Variants in SDHAF3 observed in about 807,000 individuals in gnomAD.
SDHAF3 encodes the protein succinate dehydrogenase complex assembly factor 3, also known as succinate dehydrogenase assembly factor 3, mitochondrial.
In SDHAF3, 18 loss-of-function variants were observed where a neutral mutation model predicts 11.5. That is an observed-to-expected ratio of 1.56 (90% CI 1.08 to 2.32). SDHAF3 has a LOEUF of 2.32. Among genes scored for constraint, SDHAF3 ranks in the 30% most tolerant of loss-of-function variants. The probability of loss-of-function intolerance (pLI) is 0.00; values close to 1 mark genes in which losing one functional copy is unlikely to be tolerated. For missense variants in SDHAF3, 200 were observed against 154.4 expected (o/e 1.30, Z -1.57); for synonymous variants, 72 against 59.3 (o/e 1.21, Z -0.99).
intron 1 of SDHAF3, chr7:97,136,389 G>T: frequency 4.7e-6 from 3 of 634,554 alleles, no homozygotes; most frequent in South Asian, 3.6e-5. Flanking sequence ...TTTAAATAGG[G>T]TATGTCCAGA....
At chr7:97,159,615 T>A (rs1789367405) in intron 1 of SDHAF3, among the ~76,000 whole-genome samples, 1 of 152,170 alleles carries the variant, frequency 6.6e-6, no homozygotes, top group African/African-American at 2.4e-5. Flanking sequence ...ATTTTTTTTT[T>A]CTTTTTATTA....
chr7:97,119,293 G>A (rs937592641), intron 1 of SDHAF3, among the ~76,000 whole-genome samples: 2 of 152,116 alleles, frequency 1.3e-5, no homozygotes, highest in Non-Finnish European at 2.9e-5. Context: ...ATTTTAAGAA[G>A]TCTTAAAATG....
chr7:97,161,467 G>A (rs1050004411), intron 1 of SDHAF3, among the ~76,000 whole-genome samples: 3 of 152,054 alleles, frequency 2.0e-5, no homozygotes, highest in Admixed American at 6.6e-5. Flanking sequence ...AAGTTCTGGG[G>A]TACATGTGCA....
intron 1 of SDHAF3, among the ~76,000 whole-genome samples, chr7:97,164,340 G>A (rs1021976749): frequency 1.0e-4 from 15 of 150,292 alleles, no homozygotes; most frequent in Admixed American, 8.0e-4. Flanking sequence ...TGGTGGCAAG[G>A]TAATTATTAT....
chr7:97,120,987 A>G (rs1004475858), intron 1 of SDHAF3, among the ~76,000 whole-genome samples: 2 of 152,214 alleles, frequency 1.3e-5, no homozygotes, highest in African/African-American at 4.8e-5. Flanking sequence ...TAGAAATGTA[A>G]AAGCATGTTT....
At chr7:97,152,894 G>C (rs1176342086) in intron 1 of SDHAF3, among the ~76,000 whole-genome samples, 1 of 152,158 alleles carries the variant, frequency 6.6e-6, no homozygotes, top group Non-Finnish European at 1.5e-5. Context: ...CTCAAGCAAT[G>C]GTCTCCCGCC....
chr7:97,123,972 C>T (rs1251716662), intron 1 of SDHAF3, among the ~76,000 whole-genome samples: 2 of 151,834 alleles, frequency 1.3e-5, no homozygotes, highest in Non-Finnish European at 2.9e-5. Context: ...ATGGTAGTTT[C>T]TTTTGCTGAG....
At chr7:97,143,665 C>CTGTG (rs3029495) in intron 1 of SDHAF3, among the ~76,000 whole-genome samples, 7,296 of 147,998 alleles carry the variant, frequency 0.049, 259 homozygotes, top group African/African-American at 0.1. Flanking sequence ...TAGTGTTCCA[C>CTGTG]TGTGTGTGTG....
intron 1 of SDHAF3, among the ~76,000 whole-genome samples, chr7:97,169,270 G>A (rs952373129): frequency 7.9e-5 from 12 of 152,104 alleles, no homozygotes; most frequent in East Asian, 7.7e-4. Context: ...AGATCGCGGC[G>A]CTGCACTCCA....
At chr7:97,120,918 G>A (rs1293315014) in intron 1 of SDHAF3, among the ~76,000 whole-genome samples, 1 of 152,128 alleles carries the variant, frequency 6.6e-6, no homozygotes, top group African/African-American at 2.4e-5. Context: ...GAATTCAGCT[G>A]GGGGAAGTTT....
intron 1 of SDHAF3, among the ~76,000 whole-genome samples, chr7:97,140,509 C>A (rs1789017271): frequency 6.6e-6 from 1 of 151,938 alleles, no homozygotes; most frequent in South Asian, 2.1e-4. Flanking sequence ...GTCAGGGACC[C>A]CGAATGGAGG....
At chr7:97,132,395 C>T (rs10267201) in intron 1 of SDHAF3, among the ~76,000 whole-genome samples, 404 of 151,854 alleles carry the variant, frequency 2.7e-3, no homozygotes, top group African/African-American at 9.1e-3. Flanking sequence ...TTTACGTAAC[C>T]GTTAGAAAAA....
rs559536340 is a variant in SDHAF3 at position 97,136,775 on chromosome 7, CACTTACT to C, written c.174+18887_174+18893del. Among the ~76,000 whole-genome samples, 16 of 152,198 alleles carry C rather than the reference CACTTACT, an allele frequency of 1.1e-4. No homozygotes were observed. The East Asian group carries it at 2.7e-3, about 26-fold the overall frequency. Reference sequence around the variant, plus strand: ...GGTGCATTTAAATATAATGTTTGTTCACTTACTACTTACTATTGTTTGATTAATATCC... The same window carrying C: ...GGTGCATTTAAATATAATGTTTGTTCACTTACTATTGTTTGATTAATATCC... On this transcript the variant is annotated intron_variant, in intron 1 of 1. Transcript: ENST00000432641.
In SDHAF3 at chr7:97,181,210, T is replaced by C. The variant is rs761576737; in HGVS notation, c.373T>C (p.Phe125Leu). ...FSISESMKPKF is the reference protein window; with the variant it reads ...FSISESMKPKL ...TATTTCTGAGTCTATGAAACCAAAA[T>C]TTTAGTCTATACAACAAAGCTTAAT... The change falls in exon 2 of 2, where the codon TTT (phenylalanine) becomes CTT (leucine). Residue 125 changes from phenylalanine to leucine, a missense_variant. By Grantham distance (22) the Phe-to-Leu change is conservative. Coordinates refer to ENST00000432641, the MANE Select transcript of SDHAF3 (RefSeq NM_020186.3). 1.2e-5 allele frequency: 20 copies of C among 1,611,682 alleles called. No homozygotes were observed. Among genetic ancestry groups the C allele is most frequent in the Non-Finnish European group, 1.7e-5 (20 of 1,179,074 alleles).
chr7:97,128,397 CAA>C (rs1791609895), intron 1 of SDHAF3, among the ~76,000 whole-genome samples: 1 of 152,058 alleles, frequency 6.6e-6, no homozygotes. Flanking sequence ...GATAAAGTAA[CAA>C]AGTAAAAATT....
At position 97,147,277 on chromosome 7, in the gene SDHAF3, C is replaced by T. The variant is rs373083894; in HGVS notation, c.174+29380C>T. On this transcript the variant is annotated intron_variant, in intron 1 of 1. Transcript: ENST00000432641. The stretch of plus-strand genomic sequence containing the variant: ...TTGTTTTCAGAAGTTGAGATAGATA[C>T]ACAATTATAGAATTTCAAAATTAGA... Among the ~76,000 whole-genome samples, 24 of 152,234 alleles carry T rather than the reference C, an allele frequency of 1.6e-4. No individual in the cohort carries two copies. The East Asian group carries it at 1.7e-3, about 11-fold the overall frequency.
At chr7:97,162,692 G>T (rs558079027) in intron 1 of SDHAF3, among the ~76,000 whole-genome samples, 2 of 152,300 alleles carry the variant, frequency 1.3e-5, no homozygotes, top group African/African-American at 4.8e-5. Flanking sequence ...CCATGTAGTT[G>T]TGCGATTTTG....
At chr7:97,139,555 T>C (rs1217807396) in intron 1 of SDHAF3, among the ~76,000 whole-genome samples, 1 of 152,222 alleles carries the variant, frequency 6.6e-6, no homozygotes. Flanking sequence ...GTTCTCAATC[T>C]GGCCTGTAGA....
At chr7:97,152,070 C>T (rs1379983324) in intron 1 of SDHAF3, among the ~76,000 whole-genome samples, 1 of 152,062 alleles carries the variant, frequency 6.6e-6, no homozygotes, top group Non-Finnish European at 1.5e-5. Flanking sequence ...GACATGTATC[C>T]ATCTTTATAG....
Sources: allele counts gnomAD v4.1 joint callset (sites outside exome capture counted in the v4.1 genomes callset), GRCh38; gene constraint gnomAD v4.1.1; transcripts MANE v1.5; gene names NCBI Gene and HGNC (gene_info 2026-07-23, HGNC 2026-07-21).